The following CLASP1 variants were observed in gnomAD, a reference collection of about 807,000 sequenced individuals.
The protein encoded by CLASP1 is CLIP-associating protein 1.
In CLASP1, 38 loss-of-function variants were observed where a neutral mutation model predicts 192.3. The ratio of observed to expected loss-of-function variants is 0.20; its 90% CI spans 0.15 to 0.26. The LOEUF is 0.26. CLASP1 is among the 10% of genes least tolerant of loss of function. CLASP1 has a pLI of 1.00. For synonymous variants in CLASP1, 691 were observed against 712.8 expected, an observed-to-expected ratio of 0.97 and a Z score of 0.49; for missense variants, 1,433 against 1,932.5, an observed-to-expected ratio of 0.74 and a Z score of 4.85.
intron 2 of CLASP1, among the ~76,000 whole-genome samples, chr2:121,535,458 A>G (rs1272191569): frequency 6.6e-6 from 1 of 152,346 alleles, no homozygotes; most frequent in South Asian, 2.1e-4. Flanking sequence ...AGTGCACTGT[A>G]AATACATGAA....
chr2:121,463,114 G>T (rs913137820), intron 9 of CLASP1, among the ~76,000 whole-genome samples: 2 of 151,930 alleles, frequency 1.3e-5, no homozygotes, highest in African/African-American at 2.4e-5. Flanking sequence ...TTTCACTTAA[G>T]AATCAGTTAC....
chr2:121,531,873 A>T (rs1559541592), intron 2 of CLASP1, among the ~76,000 whole-genome samples: 1 of 152,062 alleles, frequency 6.6e-6, no homozygotes, highest in Non-Finnish European at 1.5e-5. Flanking sequence ...TCTCAAAAAA[A>T]AAAAGAAAAA....
chr2:121,343,475 C>T (rs1478275447), intron 39 of CLASP1, among the ~76,000 whole-genome samples: 1 of 152,190 alleles, frequency 6.6e-6, no homozygotes, highest in Non-Finnish European at 1.5e-5. Flanking sequence ...ACACAATGGA[C>T]ATTCAGTCTT....
intron 2 of CLASP1, among the ~76,000 whole-genome samples, chr2:121,545,159 C>G (rs1332243919): frequency 1.3e-5 from 2 of 152,104 alleles, no homozygotes; most frequent in Non-Finnish European, 2.9e-5. Context: ...AGTGATCCAC[C>G]TGCCTCGGCC....
chr2:121,374,220 C>T (rs2069441017), intron 34 of CLASP1, among the ~76,000 whole-genome samples: 1 of 152,224 alleles, frequency 6.6e-6, no homozygotes, highest in Non-Finnish European at 1.5e-5. Context: ...CAGCTTGGGC[C>T]ATTGTTTCAG....
At chr2:121,560,148 A>T (rs1401704404) in intron 2 of CLASP1, among the ~76,000 whole-genome samples, 1 of 152,096 alleles carries the variant, frequency 6.6e-6, no homozygotes, top group Non-Finnish European at 1.5e-5. Context: ...AAAAAAAAAA[A>T]TTTAATGATA....
chr2:121,530,336 A>T lies in CLASP1; in HGVS notation c.196-11T>A. The stretch of plus-strand genomic sequence containing the variant: ...GCCCAGCAGAACCACCTGCAGCGGG[A>T]AACACCGGGAGCCTGTTAGCAGCCG... On this transcript the variant is annotated splice_polypyrimidine_tract_variant and intron_variant, in intron 2 of 39. Transcript: ENST00000263710. The T allele has an allele frequency of 6.5e-7, 1 of 1,547,166 alleles. No individual in the cohort carries two copies. The highest frequency in any genetic ancestry group is 2.4e-5 in the East Asian group (1 of 40,848).
At chr2:121,366,863 C>T (rs1331802596) in intron 35 of CLASP1, among the ~76,000 whole-genome samples, 3 of 152,178 alleles carry the variant, frequency 2.0e-5, no homozygotes, top group Non-Finnish European at 2.9e-5. Context: ...CAAATACATA[C>T]TCATCACTCA....
intron 2 of CLASP1, among the ~76,000 whole-genome samples, chr2:121,582,672 T>C (rs901592166): frequency 6.6e-6 from 1 of 151,538 alleles, no homozygotes; most frequent in Non-Finnish European, 1.5e-5. Flanking sequence ...AAAGTCTTCT[T>C]CCTAAACTGG....
chr2:121,367,689 C>T (rs984647654), exon 35 of CLASP1: 13 of 1,613,898 alleles, frequency 8.1e-6, no homozygotes, highest in African/African-American at 5.3e-5. Context: ...GTTGTAGTCT[C>T]GCGCCCGCGG....
chr2:121,457,534 G>C (rs1446796820), intron 14 of CLASP1, among the ~76,000 whole-genome samples, 153 bp downstream of exon 14: 2 of 151,390 alleles, frequency 1.3e-5, no homozygotes, highest in African/African-American at 2.4e-5. Flanking sequence ...AAAATATTTA[G>C]ATCTTGATTC....
At chr2:121,527,887 C>T (rs769674332) in exon 5 of CLASP1, 9 of 1,612,616 alleles carry the variant, frequency 5.6e-6, no homozygotes, top group African/African-American at 5.3e-5. Flanking sequence ...CTGTCCCATA[C>T]GTACTGCAGA....
At chr2:121,472,377 C>T (rs879915664) in intron 8 of CLASP1, among the ~76,000 whole-genome samples, 13 of 152,212 alleles carry the variant, frequency 8.5e-5, no homozygotes, top group Admixed American at 2.0e-4. Flanking sequence ...GTGCAGGCAC[C>T]GGACAACGGG....
At chr2:121,646,872 C>T (rs1365871890) in intron 1 of CLASP1, among the ~76,000 whole-genome samples, 1 of 151,490 alleles carries the variant, frequency 6.6e-6, no homozygotes, top group African/African-American at 2.4e-5. Context: ...CCCGTCTCTA[C>T]TAAGAAAACG....
At chr2:121,466,000 C>T (rs1054233504) in intron 9 of CLASP1, among the ~76,000 whole-genome samples, 1 of 152,198 alleles carries the variant, frequency 6.6e-6, no homozygotes, top group Non-Finnish European at 1.5e-5. Flanking sequence ...CCCTTCCTTA[C>T]ACCTTATACA....
chr2:121,573,214 C>A (rs2060146172), intron 2 of CLASP1, among the ~76,000 whole-genome samples: 1 of 152,224 alleles, frequency 6.6e-6, no homozygotes, highest in African/African-American at 2.4e-5. Context: ...CCCACCTCAG[C>A]CTCCCCAAGT....
chr2:121,400,758 G>A (rs1265354835), intron 28 of CLASP1, among the ~76,000 whole-genome samples: 1 of 152,148 alleles, frequency 6.6e-6, no homozygotes, highest in Non-Finnish European at 1.5e-5. Flanking sequence ...ACTTATAAAA[G>A]TCATTGCCCT....
chr2:121,562,167 T>C (rs2059142681), intron 2 of CLASP1, among the ~76,000 whole-genome samples: 1 of 152,212 alleles, frequency 6.6e-6, no homozygotes, highest in Non-Finnish European at 1.5e-5. Flanking sequence ...GCAAGTCTTC[T>C]TAGAGCTGGG....
chr2:121,639,735 T>C (rs1437952035), intron 1 of CLASP1, among the ~76,000 whole-genome samples: 1 of 151,636 alleles, frequency 6.6e-6, no homozygotes, highest in Non-Finnish European at 1.5e-5. Context: ...TGGTGGCGCA[T>C]GCCTGTAATC....
Sources: gnomAD v4.1 joint callset for allele counts (sites outside exome capture counted in the v4.1 genomes callset) on GRCh38, gnomAD v4.1.1 for gene constraint, MANE v1.5 for transcripts, NCBI Gene and HGNC (gene_info 2026-07-23, HGNC 2026-07-21) for gene names.